The following A2ML1 variants were observed in gnomAD, a reference collection of about 807,000 sequenced individuals.
The protein encoded by A2ML1 is alpha-2-macroglobulin-like protein 1.
In A2ML1, 161 loss-of-function variants were observed where a neutral mutation model predicts 181.9. That is an observed-to-expected ratio of 0.89 (90% confidence interval 0.78 to 1.01). The LOEUF (loss-of-function observed/expected upper bound fraction) is 1.01. A2ML1 is among the 50% of genes least tolerant of loss of function. A2ML1 has a pLI of 0.00. For synonymous variants in A2ML1, 663 were observed against 666.8 expected (o/e 0.99, Z 0.09); for missense variants, 1,670 against 1,768.1 (o/e 0.94, Z 1.00).
intron 14 of A2ML1, 101 bp from the exon 15 acceptor site, chr12:8,847,448 G>T: frequency 7.5e-7 from 1 of 1,330,268 alleles, no homozygotes; most frequent in Non-Finnish European, 1.0e-6. Context: ...GAATGGGTTG[G>T]ATGTCATAGC....
At chr12:8,829,680 T>C in intron 3 of A2ML1, 47 bp from the exon 4 acceptor site, 1 of 1,512,114 alleles carries the variant, frequency 6.6e-7, no homozygotes, top group Non-Finnish European at 9.0e-7. Flanking sequence ...AAAAAAATTC[T>C]GAGCCAGGAA....
chr12:8,871,315 A>G (rs1352968645), intron 33 of A2ML1, among the ~76,000 whole-genome samples: 1 of 152,178 alleles, frequency 6.6e-6, no homozygotes, highest in Non-Finnish European at 1.5e-5. Context: ...CTCCAAAAGA[A>G]CATCTATTTC....
chr12:8,854,094 T>C (rs1458495992), intron 20 of A2ML1, 34 bp from the exon 21 acceptor site: 4 of 1,519,728 alleles, frequency 2.6e-6, no homozygotes, highest in Non-Finnish European at 3.5e-6. Context: ...CCTCTGGCAA[T>C]AGGGCTAATG....
chr12:8,824,024 G>A (rs1942839572), intron 3 of A2ML1, 142 bp downstream of exon 3: 2 of 934,566 alleles, frequency 2.1e-6, no homozygotes, highest in African/African-American at 1.6e-5. Context: ...ATTAAGTAGT[G>A]CAAGTGTTGA....
rs1592137822 is a variant in A2ML1 at position 8,852,992 on chromosome 12, G to C, written c.2590+656G>C. On this transcript the variant is annotated intron_variant, in intron 20 of 35. Coordinates refer to ENST00000299698, the MANE Select transcript of A2ML1 (RefSeq NM_144670.6). The surrounding 1 kb of genome is among the most constrained non-coding windows in gnomAD (Gnocchi z 4.2). Reference sequence around the variant, plus strand: ...ATTACAGGCGTGAGCCGCTGCGCCTGGCCTTTTATTTTTTTTTAGAGAGAC... The same window carrying C: ...ATTACAGGCGTGAGCCGCTGCGCCTCGCCTTTTATTTTTTTTTAGAGAGAC... Among the ~76,000 whole-genome samples the C allele has an allele frequency of 6.6e-6, 1 of 152,074 alleles. No individual in the cohort carries two copies. Among genetic ancestry groups the C allele is most frequent in the African/African-American group, 2.4e-5 (1 of 41,408 alleles).
rs1592119843 is a variant in A2ML1 at position 8,841,021 on chromosome 12, A to AGGAAGGAAGGAAGGAAGGAAGGACGGAC, written c.1081-332_1081-331insGGAAGGACGGACGGAAGGAAGGAAGGAA. Among the ~76,000 whole-genome samples the AGGAAGGAAGGAAGGAAGGAAGGACGGAC allele has an allele frequency of 5.1e-4, 63 of 122,950 alleles. 1 individual carries two copies. The highest frequency in any genetic ancestry group is 2.8e-3 in the East Asian group (12 of 4,350). 80.7% of individuals were successfully genotyped at this position (122,950 alleles called of 152,430 possible). On this transcript the variant is annotated intron_variant, in intron 10 of 35. Transcript: ENST00000299698. The stretch of plus-strand genomic sequence containing the variant: ...AAGGAAGGAAGGAAGGACGGAAGGA[A>AGGAAGGAAGGAAGGAAGGAAGGACGGAC]GGAAGGAAGGAAGGAAAGAAAAAAG...
chr12:8,822,725 G>T lies in A2ML1; in HGVS notation c.62+12G>T, dbSNP rs1480844996. The T allele has an allele frequency of 3.1e-6, 5 of 1,613,930 alleles. No individual in the cohort carries two copies. Among genetic ancestry groups the T allele is most frequent in the Non-Finnish European group, 4.2e-6 (5 of 1,179,808 alleles). On this transcript the variant is annotated intron_variant, in intron 1 of 35. Coordinates refer to ENST00000299698, the MANE Select transcript of A2ML1 (RefSeq NM_144670.6). ...GCAGAAGAACTTCCGTGAGTGCTTG[G>T]TGTCAGAATTGGTTTATTAGGGCAG...
Position 8,843,183 on chromosome 12 carries a change from G to C in A2ML1, c.1298G>C (p.Arg433Pro), listed in dbSNP as rs376035211. ...DLVYNPEQVP[R>P]YYQNAYLHLR... ...GTATATAATCCGGAACAAGTGCCAC[G>C]TTACTACCAAAATGCCTACCTGCAC... The change falls in exon 12 of 36, where the codon CGT becomes CCT. Residue 433 changes from arginine (R) to proline (P), a missense_variant. Transcript: ENST00000299698. 1.2e-6 allele frequency: 2 copies of C among 1,614,016 alleles called. No homozygotes were observed. The highest frequency in any genetic ancestry group is 2.7e-5 in the African/African-American group (2 of 74,904).
At chr12:8,862,500 C>T (rs753738976) in intron 28 of A2ML1, among the ~76,000 whole-genome samples, 1 of 152,316 alleles carries the variant, frequency 6.6e-6, no homozygotes, top group East Asian at 1.9e-4. Context: ...TGCACCTGGC[C>T]TGGACCACTT....
chr12:8,869,162 G>T lies in A2ML1; in HGVS notation c.4180G>T (p.Val1394Phe), dbSNP rs756796720. 4.6e-5 allele frequency: 75 copies of T among 1,613,946 alleles called. No homozygotes were observed. The highest frequency in any genetic ancestry group is 6.3e-5 in the Non-Finnish European group (74 of 1,180,022). Residue 1394 changes from valine (V) to phenylalanine (F), a missense_variant, in exon 33 of 36, where the codon GTT becomes TTT. Val to Phe is a conservative substitution (Grantham distance 50, BLOSUM62 -1). Coordinates refer to ENST00000299698, the MANE Select transcript of A2ML1 (RefSeq NM_144670.6). Reference sequence around the variant, plus strand: ...TCTCCAGCAACCCCTGGTGAAGAAGGTTGAATTTGGAACTGACACACTTAA... The same window carrying T: ...TCTCCAGCAACCCCTGGTGAAGAAGTTTGAATTTGGAACTGACACACTTAA... ...LLLQQPLVKK[V>F]EFGTDTLNIY...
chr12:8,861,272 G>A lies in A2ML1; in HGVS notation c.3477G>A (p.Gln1159=), dbSNP rs1170284001. Residue 1159 remains glutamine (Q), a synonymous_variant, in exon 28 of 36, where the codon CAG becomes CAA. Transcript: ENST00000299698. ...EMDIRNILLK[Q]LDQQAIISGE... is the part of the protein sequence containing the mutation. ...ACATCAGAAACATTCTCCTTAAACA[G>A]TTAGATCAACAGGCTATCATCTCAG... 5.0e-6 allele frequency: 8 copies of A among 1,614,054 alleles called. No individual in the cohort carries two copies. In the South Asian group the frequency reaches 8.8e-5, roughly 18 times the overall value.
chr12:8,874,440 C>T lies in A2ML1; in HGVS notation c.4237C>T (p.Gln1413Ter). The change falls in exon 34 of 36, where the codon CAG becomes TAG. Residue 1413 changes from glutamine (Q) to a stop codon, truncating the protein, a stop_gained. Transcript: ENST00000299698. LOFTEE classifies it high-confidence loss of function. ...TTCCCCACAGCTCATTAAGAACACT[C>T]AGACTTACACCTTCACCATCAGCCA... ...IYLDELIKNTQTYTFTISQSV... is the reference protein window; with the variant it reads ...IYLDELIKNT The T allele has an allele frequency of 6.2e-7, 1 of 1,613,966 alleles. No individual in the cohort carries two copies. The highest frequency in any genetic ancestry group is 8.5e-7 in the Non-Finnish European group (1 of 1,179,878).
intron 26 of A2ML1, 115 bp from the exon 27 acceptor site, chr12:8,860,754 CTTTCTTTTCTTT>C: frequency 1.3e-6 from 1 of 798,852 alleles, no homozygotes; most frequent in East Asian, 2.6e-5. Context: ...GAAAAAAGAG[CTTTCTTTTCTTT>C]TTTCTTTTTA....
intron 5 of A2ML1, among the ~76,000 whole-genome samples, 187 bp from the exon 6 acceptor site, chr12:8,835,320 T>C (rs1452142089): frequency 6.6e-6 from 1 of 152,184 alleles, no homozygotes. Flanking sequence ...TATAGAAATA[T>C]TTACCTCATT....
At chr12:8,863,250 G>A (rs1176812655) in intron 28 of A2ML1, among the ~76,000 whole-genome samples, 2 of 152,026 alleles carry the variant, frequency 1.3e-5, no homozygotes, top group African/African-American at 4.8e-5. Context: ...GGGATTAGAG[G>A]CACGCGCCAC....
intron 4 of A2ML1, among the ~76,000 whole-genome samples, chr12:8,831,813 G>A (rs1321503783): frequency 6.6e-6 from 1 of 151,912 alleles, no homozygotes; most frequent in African/African-American, 2.4e-5. Flanking sequence ...GCAATGGCGC[G>A]ATCTCGGCTC....
intron 22 of A2ML1, 93 bp downstream of exon 22, chr12:8,854,924 T>C: frequency 7.4e-7 from 1 of 1,358,058 alleles, no homozygotes; most frequent in Non-Finnish European, 1.0e-6. Flanking sequence ...AGACGGAGTC[T>C]CGCTCCGTCG....
Position 8,824,245 on chromosome 12 carries a change from T to G in A2ML1, c.409+363T>G, listed in dbSNP as rs975330181. On this transcript the variant is annotated intron_variant, in intron 3 of 35. Transcript: ENST00000299698. ...GGGTTTTTTTTTTTTTTTTTTTTTTTTTTTGTATTTGTTCATTCGTCCTTA... is the reference window on the plus strand; with the variant it reads ...GGGTTTTTTTTTTTTTTTTTTTTTTGTTTTGTATTTGTTCATTCGTCCTTA... Among the ~76,000 whole-genome samples, 29 of 148,874 alleles carry G rather than the reference T, an allele frequency of 1.9e-4. 1 individual carries two copies. Among genetic ancestry groups the G allele is most frequent in the African/African-American group, 6.5e-4 (26 of 40,302 alleles).
chr12:8,841,126 T>C (rs1943466552), intron 10 of A2ML1, among the ~76,000 whole-genome samples: 1 of 152,182 alleles, frequency 6.6e-6, no homozygotes. Flanking sequence ...ACCGGGCAAA[T>C]CTAGCTCTGC....
Sources: gnomAD v4.1 joint callset for allele counts (sites outside exome capture counted in the v4.1 genomes callset) on GRCh38, gnomAD v4.1.1 for gene constraint, Gnocchi (gnomAD v3.1) non-coding constraint, MANE v1.5 for transcripts, NCBI Gene and HGNC (gene_info 2026-07-23, HGNC 2026-07-21) for gene names.